The following COL5A2 variants were observed in gnomAD, a reference collection of about 807,000 sequenced individuals.
COL5A2 encodes collagen alpha-2(V) chain.
Under a neutral mutation model 208.2 loss-of-function variants are expected in COL5A2, and 23 were observed. That is an observed-to-expected ratio of 0.11 (90% CI 0.08 to 0.16). The LOEUF is 0.16. Ranked by LOEUF, COL5A2 falls within the 10% of genes least tolerant of loss-of-function variation. The probability of loss-of-function intolerance (pLI) is 1.00; values close to 1 mark genes in which losing one functional copy is unlikely to be tolerated. For synonymous variants in COL5A2, 625 were observed against 628.5 expected (o/e 0.99, Z 0.08); for missense variants, 1,590 against 1,956.4 (o/e 0.81, Z 3.53).
chr2:189,189,201 T>C (rs892980998), intron 1 of COL5A2, among the ~76,000 whole-genome samples: 2 of 152,196 alleles, frequency 1.3e-5, no homozygotes, highest in African/African-American at 4.8e-5. Context: ...GAAAATACTT[T>C]TTTAGAAAAT....
upstream of COL5A2, among the ~76,000 whole-genome samples, chr2:189,226,060 T>A (rs972234247): frequency 3.3e-5 from 5 of 152,208 alleles, no homozygotes; most frequent in Admixed American, 6.5e-5. Context: ...ACAATGCTTT[T>A]ATGAATATTA....
the COL5A2 span, among the ~76,000 whole-genome samples, chr2:189,236,113 G>T: frequency 1.3e-5 from 2 of 151,644 alleles, no homozygotes; most frequent in African/African-American, 4.8e-5. Context: ...TGTCCTGTGC[G>T]ATTAATTGGG....
the COL5A2 span, among the ~76,000 whole-genome samples, chr2:189,325,374 C>T: frequency 6.6e-6 from 1 of 151,318 alleles, no homozygotes; most frequent in African/African-American, 2.4e-5. Flanking sequence ...TGGGTCACTT[C>T]ATCCTTTTTC....
chr2:189,110,434 T>A lies in COL5A2; in HGVS notation c.113A>T (p.Glu38Val). The A allele has an allele frequency of 6.2e-7, 1 of 1,613,406 alleles. No homozygotes were observed. The highest frequency in any genetic ancestry group is 8.5e-7 in the Non-Finnish European group (1 of 1,179,332). ...EEDEDEGYGE[E>V]IACTQNGQMY... is the part of the protein sequence containing the mutation. The stretch of plus-strand genomic sequence containing the variant: ...CTGGCCATTCTGAGTGCAGGCTATT[T>A]CTTCACCATATCCTTCTAAAATAAG... The change falls in exon 2 of 54, where the codon GAA (glutamate) becomes GTA (valine). Residue 38 changes from glutamate to valine, a missense_variant. Glu to Val is a moderately radical substitution (Grantham distance 121). Transcript: ENST00000374866.
chr2:189,315,609 G>A, the COL5A2 span, among the ~76,000 whole-genome samples: 1 of 151,728 alleles, frequency 6.6e-6, no homozygotes, highest in Non-Finnish European at 1.5e-5. Context: ...AGAAAGAAAG[G>A]GTATTCGAAT....
At chr2:189,083,059 CAG>C (rs1686571290) in intron 12 of COL5A2, among the ~76,000 whole-genome samples, 1 of 152,066 alleles carries the variant, frequency 6.6e-6, no homozygotes, top group Non-Finnish European at 1.5e-5. Flanking sequence ...AGAAAGTAAA[CAG>C]AAAGTAATGT....
At chr2:189,343,806 AGGTT>A in the COL5A2 span, among the ~76,000 whole-genome samples, 1 of 152,180 alleles carries the variant, frequency 6.6e-6, no homozygotes, top group African/African-American at 2.4e-5. Flanking sequence ...AGTCACACAA[AGGTT>A]ACTTGTGTTT....
At chr2:189,271,956 T>C in the COL5A2 span, among the ~76,000 whole-genome samples, 5 of 152,088 alleles carry the variant, frequency 3.3e-5, no homozygotes, top group African/African-American at 1.2e-4. Flanking sequence ...AAAACCACAA[T>C]GAGATACCAT....
At chr2:189,129,308 C>A (rs185109198) in intron 1 of COL5A2, among the ~76,000 whole-genome samples, 1 of 152,082 alleles carries the variant, frequency 6.6e-6, no homozygotes, top group African/African-American at 2.4e-5. Flanking sequence ...AAACTCCTTA[C>A]ATTTCACTAA....
chr2:189,240,694 T>C, the COL5A2 span, among the ~76,000 whole-genome samples: 3 of 152,166 alleles, frequency 2.0e-5, no homozygotes, highest in East Asian at 5.8e-4. Context: ...TCACCAGTCC[T>C]ATTGGCCCAG....
At chr2:189,137,882 T>C (rs977031001) in intron 1 of COL5A2, among the ~76,000 whole-genome samples, 1 of 152,308 alleles carries the variant, frequency 6.6e-6, no homozygotes, top group East Asian at 1.9e-4. Context: ...CTCAATTGTT[T>C]GATGTTAATG....
At chr2:189,287,586 A>T in the COL5A2 span, among the ~76,000 whole-genome samples, 2 of 152,188 alleles carry the variant, frequency 1.3e-5, no homozygotes, top group Non-Finnish European at 2.9e-5. Context: ...TAAGACTTGT[A>T]CCCATGGAAC....
At chr2:189,310,822 C>T in the COL5A2 span, among the ~76,000 whole-genome samples, 2 of 151,898 alleles carry the variant, frequency 1.3e-5, no homozygotes, top group Non-Finnish European at 2.9e-5. Context: ...ATAAACCAGG[C>T]ACAGAAAGAC....
intron 1 of COL5A2, among the ~76,000 whole-genome samples, chr2:189,190,481 T>C (rs1265964946): frequency 6.6e-6 from 1 of 152,202 alleles, no homozygotes; most frequent in African/African-American, 2.4e-5. Flanking sequence ...GTTAATTTAC[T>C]TTAAAAATAA....
the COL5A2 span, among the ~76,000 whole-genome samples, chr2:189,357,255 G>A: frequency 0.025 from 3,855 of 152,228 alleles, 175 homozygotes; most frequent in African/African-American, 0.088. Context: ...ATCAGAACTC[G>A]AATGCTGTGC....
At chr2:189,430,836 G>A in the COL5A2 span, among the ~76,000 whole-genome samples, 1 of 152,248 alleles carries the variant, frequency 6.6e-6, no homozygotes, top group African/African-American at 2.4e-5. Flanking sequence ...CCAGCATGGT[G>A]TTTGAGCTCT....
the COL5A2 span, among the ~76,000 whole-genome samples, chr2:189,288,613 G>A: frequency 2.6e-5 from 4 of 152,082 alleles, no homozygotes; most frequent in Non-Finnish European, 5.9e-5. Flanking sequence ...AGAGCCTCGT[G>A]GCTTCACTGC....
the COL5A2 span, among the ~76,000 whole-genome samples, chr2:189,319,837 T>C: frequency 2.0e-5 from 3 of 152,272 alleles, no homozygotes; most frequent in African/African-American, 7.2e-5. Context: ...AGCACAGAGT[T>C]TGAGATCTGA....
chr2:189,406,587 A>G, the COL5A2 span, among the ~76,000 whole-genome samples: 1 of 152,166 alleles, frequency 6.6e-6, no homozygotes, highest in Admixed American at 6.5e-5. Flanking sequence ...GAAAATTTCT[A>G]TCTGGAAAAA....
Sources: gnomAD v4.1 joint callset for allele counts (sites outside exome capture counted in the v4.1 genomes callset) on GRCh38, gnomAD v4.1.1 for gene constraint, MANE v1.5 for transcripts, NCBI Gene and HGNC (gene_info 2026-07-23, HGNC 2026-07-21) for gene names.